The following SLC25A21 variants were observed in gnomAD, a reference collection of about 807,000 sequenced individuals.
SLC25A21 encodes the protein solute carrier family 25 member 21, also known as mitochondrial 2-oxodicarboxylate carrier.
A neutral mutation model predicts 43.8 loss-of-function variants in SLC25A21; 47 were observed. That is an observed-to-expected ratio of 1.07 (90% confidence interval 0.85 to 1.37). The LOEUF (loss-of-function observed/expected upper bound fraction) is 1.37. Ranked by LOEUF, SLC25A21 falls within the 40% of genes most tolerant of loss-of-function variation. SLC25A21 has a pLI of 0.00. For missense variants in SLC25A21, 352 were observed against 350.2 expected (o/e 1.00, Z -0.04); for synonymous variants, 131 against 121.3 (o/e 1.08, Z -0.52).
At chr14:36,813,036 AAATAT>A (rs1888327066) in intron 3 of SLC25A21, among the ~76,000 whole-genome samples, 1 of 152,206 alleles carries the variant, frequency 6.6e-6, no homozygotes, top group African/African-American at 2.4e-5. Context: ...TTCCAAAAGC[AAATAT>A]AATATTCTTT....
At chr14:36,889,572 A>G (rs571784187) in intron 1 of SLC25A21, among the ~76,000 whole-genome samples, 1 of 152,176 alleles carries the variant, frequency 6.6e-6, no homozygotes, top group Admixed American at 6.5e-5. Context: ...CTGCAGCCTC[A>G]AACTCCTGGG....
chr14:36,912,661 T>C (rs1891723970), intron 1 of SLC25A21, among the ~76,000 whole-genome samples: 1 of 152,220 alleles, frequency 6.6e-6, no homozygotes, highest in South Asian at 2.1e-4. Flanking sequence ...TAATGTTCAA[T>C]GTATAAAGTT....
chr14:37,045,256 G>A lies in SLC25A21; in HGVS notation c.70+127025C>T, dbSNP rs148864033. Among the ~76,000 whole-genome samples, 290 of 152,308 alleles carry A rather than the reference G, an allele frequency of 1.9e-3. 2 individuals are homozygous for A. The highest frequency in any genetic ancestry group is 6.6e-3 in the African/African-American group (274 of 41,570). Reference sequence around the variant, plus strand: ...TTCTAGAGAATATGAAAAGTTTGTGGTGTAATACAGTACAGGTATGTTTTA... The same window carrying A: ...TTCTAGAGAATATGAAAAGTTTGTGATGTAATACAGTACAGGTATGTTTTA... On this transcript the variant is annotated intron_variant, in intron 1 of 9. Coordinates refer to ENST00000331299, the MANE Select transcript of SLC25A21 (RefSeq NM_030631.4).
intron 1 of SLC25A21, among the ~76,000 whole-genome samples, chr14:37,036,580 AT>A (rs1340263260): frequency 6.6e-6 from 1 of 152,182 alleles, no homozygotes; most frequent in East Asian, 1.9e-4. Flanking sequence ...ACCCGTCTCT[AT>A]TAAAATTTAA....
intron 1 of SLC25A21, among the ~76,000 whole-genome samples, chr14:37,006,553 T>C (rs1330413334): frequency 1.3e-5 from 2 of 152,112 alleles, no homozygotes; most frequent in East Asian, 1.9e-4. Flanking sequence ...TTCAATCCTT[T>C]GCTCTACTAG....
At chr14:36,726,266 T>C (rs1188674751) in intron 5 of SLC25A21, among the ~76,000 whole-genome samples, 1 of 152,138 alleles carries the variant, frequency 6.6e-6, no homozygotes, top group Non-Finnish European at 1.5e-5. Context: ...TGACGCAGTC[T>C]TCTAAACCTA....
chr14:36,844,737 G>C (rs1181996327), intron 2 of SLC25A21, among the ~76,000 whole-genome samples: 1 of 152,158 alleles, frequency 6.6e-6, no homozygotes, highest in Non-Finnish European at 1.5e-5. Context: ...AGCACCATTC[G>C]AAAATCTGGA....
At chr14:37,039,597 TG>T (rs1472565445) in intron 1 of SLC25A21, among the ~76,000 whole-genome samples, 1 of 152,230 alleles carries the variant, frequency 6.6e-6, no homozygotes, top group Non-Finnish European at 1.5e-5. Flanking sequence ...CTACTGCATT[TG>T]TTTTATCACT....
chr14:36,785,019 T>C (rs1194177881), intron 3 of SLC25A21, among the ~76,000 whole-genome samples: 1 of 152,176 alleles, frequency 6.6e-6, no homozygotes, highest in Non-Finnish European at 1.5e-5. Flanking sequence ...TATGTAAGGA[T>C]AGATTAATTA....
chr14:37,076,534 G>A (rs555227244), intron 1 of SLC25A21, among the ~76,000 whole-genome samples: 3 of 151,872 alleles, frequency 2.0e-5, no homozygotes, highest in Non-Finnish European at 4.4e-5. Context: ...TGTCACCCAG[G>A]CTGGAGTGCA....
chr14:36,812,381 T>C (rs753960977), intron 3 of SLC25A21, among the ~76,000 whole-genome samples: 2 of 151,778 alleles, frequency 1.3e-5, no homozygotes, highest in Admixed American at 6.6e-5. Context: ...ATAGAAAACA[T>C]GCATATCATT....
intron 1 of SLC25A21, among the ~76,000 whole-genome samples, chr14:37,009,300 C>T (rs573893727): frequency 6.6e-6 from 1 of 152,122 alleles, no homozygotes; most frequent in African/African-American, 2.4e-5. Flanking sequence ...CCAGCCTGGC[C>T]AACATGGCAA....
intron 3 of SLC25A21, among the ~76,000 whole-genome samples, chr14:36,798,553 G>A (rs1887751638): frequency 8.1e-6 from 1 of 124,196 alleles, no homozygotes; most frequent in Non-Finnish European, 1.8e-5. Context: ...GCCAGAGCTG[G>A]GTTTTTTTTT....
chr14:36,977,236 G>A (rs1439558305), intron 1 of SLC25A21, among the ~76,000 whole-genome samples: 2 of 151,942 alleles, frequency 1.3e-5, no homozygotes, highest in African/African-American at 2.4e-5. Context: ...TGTAATTATC[G>A]GGGGAAGGAG....
At chr14:37,103,277 T>A (rs1962851340) in intron 1 of SLC25A21, among the ~76,000 whole-genome samples, 1 of 152,184 alleles carries the variant, frequency 6.6e-6, no homozygotes, top group Non-Finnish European at 1.5e-5. Flanking sequence ...TTAGAGGGAT[T>A]ACACTAAATT....
intron 3 of SLC25A21, among the ~76,000 whole-genome samples, chr14:36,782,500 C>A (rs143669273): frequency 6.6e-6 from 1 of 151,982 alleles, no homozygotes; most frequent in Non-Finnish European, 1.5e-5. Flanking sequence ...TTTCTTGAAG[C>A]CTGGTATTGC....
At chr14:36,768,420 A>C (rs902877776) in intron 3 of SLC25A21, among the ~76,000 whole-genome samples, 1 of 152,228 alleles carries the variant, frequency 6.6e-6, no homozygotes, top group Non-Finnish European at 1.5e-5. Flanking sequence ...TTAATTATTA[A>C]AATTTTTATT....
chr14:36,760,537 G>A (rs1464309871), intron 3 of SLC25A21, among the ~76,000 whole-genome samples: 2 of 152,138 alleles, frequency 1.3e-5, no homozygotes, highest in Non-Finnish European at 1.5e-5. Context: ...CAGACTTAGT[G>A]CCATTCACTG....
chr14:36,765,196 G>T (rs1482169422), intron 3 of SLC25A21, among the ~76,000 whole-genome samples: 5 of 152,216 alleles, frequency 3.3e-5, no homozygotes, highest in Admixed American at 3.3e-4. Context: ...AGGCTGCCAT[G>T]CTCTAAGAAG....
Sources: gnomAD v4.1 joint callset for allele counts (sites outside exome capture counted in the v4.1 genomes callset) on GRCh38, gnomAD v4.1.1 for gene constraint, MANE v1.5 for transcripts, NCBI Gene and HGNC (gene_info 2026-07-23, HGNC 2026-07-21) for gene names.